Variants in NRBP2 observed in about 807,000 individuals in gnomAD.
NRBP2 encodes the protein nuclear receptor-binding protein 2.
A neutral mutation model predicts 74.4 loss-of-function variants in NRBP2; 47 were observed. That is an observed-to-expected ratio of 0.63 (90% confidence interval 0.50 to 0.81). The LOEUF (loss-of-function observed/expected upper bound fraction) is 0.81. NRBP2 is among the 30% of genes least tolerant of loss of function. The probability of loss-of-function intolerance (pLI) is 0.00; values close to 1 mark genes in which losing one functional copy is unlikely to be tolerated. For synonymous variants in NRBP2, 312 were observed against 273.8 expected, an observed-to-expected ratio of 1.14 and a Z score of -1.38; for missense variants, 613 against 690.1, an observed-to-expected ratio of 0.89 and a Z score of 1.25.
downstream of NRBP2, among the ~76,000 whole-genome samples, chr8:143,830,585 A>C (rs529443311): frequency 5.9e-5 from 9 of 152,362 alleles, no homozygotes; most frequent in East Asian, 1.7e-3. Flanking sequence ...GCTCAAAAGA[A>C]AAGACTGGCA....
Position 143,839,422 on chromosome 8 carries a change from G to A in NRBP2, c.486-14C>T, listed in dbSNP as rs1818589594. On this transcript the variant is annotated splice_polypyrimidine_tract_variant and intron_variant, in intron 5 of 17. Transcript: ENST00000442628. The surrounding 1 kb of genome is among the most constrained non-coding windows in gnomAD (Gnocchi z 5.1). ...GCGTGCAGGAAGCTGCAGACGTTGG[G>A]GAGGGGAGAGTAGGAGGAGCCGGTC... 7 of 1,552,768 alleles carry A rather than the reference G, an allele frequency of 4.5e-6. No homozygotes were observed. The highest frequency in any genetic ancestry group is 1.4e-5 in the African/African-American group (1 of 73,456).
At position 143,837,313 on chromosome 8, in the gene NRBP2, G is replaced by C; in HGVS notation, c.1077-14C>G. On this transcript the variant is annotated splice_polypyrimidine_tract_variant and intron_variant, in intron 12 of 17. Coordinates refer to ENST00000442628, the MANE Select transcript of NRBP2 (RefSeq NM_178564.4). This position sits in a 1 kb window ranked among gnomAD's most constrained non-coding sequence, Gnocchi z 4.3. Reference sequence around the variant, plus strand: ...ACTTCCGAGTACCTGGCATGGAAGTGGGAGGCACATGAGGGGCTGGCCGGG... The same window carrying C: ...ACTTCCGAGTACCTGGCATGGAAGTCGGAGGCACATGAGGGGCTGGCCGGG... 1 of 1,612,128 alleles carries C rather than the reference G, an allele frequency of 6.2e-7. No individual in the cohort carries two copies. Among genetic ancestry groups the C allele is most frequent in the East Asian group, 2.2e-5 (1 of 44,818 alleles).
Position 143,839,378 on chromosome 8 carries a change from G to A in NRBP2, c.516C>T (p.Ile172=). 1.9e-6 allele frequency: 3 copies of A among 1,589,270 alleles called. No homozygotes were observed. Among genetic ancestry groups the A allele is most frequent in the Non-Finnish European group, 2.6e-6 (3 of 1,175,062 alleles). Reference sequence around the variant, plus strand: ...TGGTGTCGCTGGTCAGGTTCCCGTGGATGATTGGGGGGCTGCAGGCGTGCA... The same window carrying A: ...TGGTGTCGCTGGTCAGGTTCCCGTGAATGATTGGGGGGCTGCAGGCGTGCA... ...SFLHACSPPI[I]HGNLTSDTIF... The change falls in exon 6 of 18, where the codon ATC becomes ATT. Residue 172 remains isoleucine, a synonymous_variant. Transcript: ENST00000442628. This position sits in a 1 kb window ranked among gnomAD's most constrained non-coding sequence, Gnocchi z 5.1.
In NRBP2 at chr8:143,839,385, G is replaced by T; in HGVS notation, c.509C>A (p.Pro170Gln). 1 of 1,586,730 alleles carries T rather than the reference G, an allele frequency of 6.3e-7. No homozygotes were observed. The highest frequency in any genetic ancestry group is 8.5e-7 in the Non-Finnish European group (1 of 1,173,830). Residue 170 changes from proline to glutamine, a missense_variant, in exon 6 of 18, where the codon CCA becomes CAA. Physicochemically the swap from Pro to Gln is moderately conservative, Grantham distance 76. This residue lies in a region of NRBP2 where 332 missense variants were observed against 429.2 expected (regional missense o/e 0.77). Transcript: ENST00000442628. The surrounding 1 kb of genome is among the most constrained non-coding windows in gnomAD (Gnocchi z 5.1). ...ALSFLHACSP[P>Q]IIHGNLTSDT... ...GCTGGTCAGGTTCCCGTGGATGATT[G>T]GGGGGCTGCAGGCGTGCAGGAAGCT...
rs1441666049 is a variant in NRBP2 at position 143,840,084 on chromosome 8, T to A, written c.252+23A>T. The A allele has an allele frequency of 6.5e-7, 1 of 1,536,010 alleles. No individual in the cohort carries two copies. Among genetic ancestry groups the A allele is most frequent in the African/African-American group, 1.4e-5 (1 of 73,030 alleles). ...TCAGCAGGTGGTCACCCAAGCAGGA[T>A]GAGGAGGGGGCAGCGGTCTCACCTC... On this transcript the variant is annotated intron_variant, in intron 2 of 17. Transcript: ENST00000442628. This position sits in a 1 kb window ranked among gnomAD's most constrained non-coding sequence, Gnocchi z 5.7.
rs1397120278 is a variant in NRBP2, at chr8:143,839,616, C to T, written c.445-67G>A. On this transcript the variant is annotated intron_variant, in intron 4 of 17. Coordinates refer to ENST00000442628, the MANE Select transcript of NRBP2 (RefSeq NM_178564.4). The surrounding 1 kb of genome is among the most constrained non-coding windows in gnomAD (Gnocchi z 5.1). ...GAGAGGCGGCTGGGCCTGCGGAGCCCGCCCCGCATCCTCGCCCAGCCCCTG... is the reference window on the plus strand; with the variant it reads ...GAGAGGCGGCTGGGCCTGCGGAGCCTGCCCCGCATCCTCGCCCAGCCCCTG... 1 of 1,505,592 alleles carries T rather than the reference C, an allele frequency of 6.6e-7. No homozygotes were observed. The highest frequency in any genetic ancestry group is 1.3e-5 in the South Asian group (1 of 79,706). 93.3% of individuals were successfully genotyped at this position (1,505,592 alleles called of 1,614,324 possible).
Position 143,840,095 on chromosome 8 carries a change from C to T in NRBP2, c.252+12G>A, listed in dbSNP as rs1226011349. 1.3e-6 allele frequency: 2 copies of T among 1,536,004 alleles called. No homozygotes were observed. The highest frequency in any genetic ancestry group is 2.7e-5 in the African/African-American group (2 of 73,026). On this transcript the variant is annotated intron_variant, in intron 2 of 17. Coordinates refer to ENST00000442628, the MANE Select transcript of NRBP2 (RefSeq NM_178564.4). This position sits in a 1 kb window ranked among gnomAD's most constrained non-coding sequence, Gnocchi z 5.7. ...TCACCCAAGCAGGATGAGGAGGGGGCAGCGGTCTCACCTCGTGCGCCGCGA... is the reference window on the plus strand; with the variant it reads ...TCACCCAAGCAGGATGAGGAGGGGGTAGCGGTCTCACCTCGTGCGCCGCGA...
downstream of NRBP2, among the ~76,000 whole-genome samples, chr8:143,832,047 A>G (rs1330949335): frequency 2.6e-5 from 4 of 152,256 alleles, no homozygotes; most frequent in African/African-American, 7.2e-5. Context: ...AGTAGTAGAC[A>G]TAGGAGACTC....
At position 143,840,628 on chromosome 8, in the gene NRBP2, C is replaced by T. The variant is rs1049933635; in HGVS notation, c.129+78G>A. 35 of 1,303,380 alleles carry T rather than the reference C, an allele frequency of 2.7e-5. No individual in the cohort carries two copies. The highest frequency in any genetic ancestry group is 3.3e-5 in the Non-Finnish European group (33 of 998,624). 80.7% of individuals were successfully genotyped at this position (1,303,380 alleles called of 1,614,324 possible). A position where few individuals can be genotyped will look rare whatever the true frequency, so the allele number is the denominator to read the frequency against. On this transcript the variant is annotated intron_variant, in intron 1 of 17. Coordinates refer to ENST00000442628, the MANE Select transcript of NRBP2 (RefSeq NM_178564.4). The surrounding 1 kb of genome is among the most constrained non-coding windows in gnomAD (Gnocchi z 5.7). ...CCAGCCGCCGCGCTCTCCCAGCGCC[C>T]CCACGCCCCGCGCAGCCTCCAGGCC...
chr8:143,836,063 G>T, intron 15 of NRBP2, 33 bp from the exon 16 acceptor site: 1 of 1,572,814 alleles, frequency 6.4e-7, no homozygotes, highest in East Asian at 2.3e-5. Context: ...TCGGCTGGGG[G>T]TTCAGGGCTC....
rs1818568719 is a variant in NRBP2 at position 143,839,103 on chromosome 8, G to GCT, written c.605-4_605-3insAG. Reference sequence around the variant, plus strand: ...GCTTCGGAGATCATCTGGAAGTGCTGTGGGAGGGCGCAGAGCTGAGCGGGC... The same window carrying GCT: ...GCTTCGGAGATCATCTGGAAGTGCTGCTTGGGAGGGCGCAGAGCTGAGCGGGC... On this transcript the variant is annotated splice_region_variant and splice_polypyrimidine_tract_variant and intron_variant, in intron 7 of 17. Transcript: ENST00000442628. This position sits in a 1 kb window ranked among gnomAD's most constrained non-coding sequence, Gnocchi z 5.1. 1.3e-6 allele frequency: 2 copies of GCT among 1,521,606 alleles called. No individual in the cohort carries two copies. Among genetic ancestry groups the GCT allele is most frequent in the Admixed American group, 4.0e-5 (2 of 50,344 alleles). The allele number at this position is 1,521,606 out of a possible 1,614,324, so 94.3% of individuals were successfully genotyped here. A position where few individuals can be genotyped will look rare whatever the true frequency, so the allele number is the denominator to read the frequency against.
chr8:143,833,543 T>A (rs1056197332), downstream of NRBP2: 3 of 152,040 alleles, frequency 2.0e-5, no homozygotes, highest in Non-Finnish European at 4.4e-5. Context: ...TTGAAAAACA[T>A]GGATTTCAAA....
At position 143,836,037 on chromosome 8, in the gene NRBP2, A is replaced by G; in HGVS notation, c.1318-7T>C. On this transcript the variant is annotated splice_polypyrimidine_tract_variant and splice_region_variant and intron_variant, in intron 15 of 17. Transcript: ENST00000442628. ...GCACCAGAAGCAGAGTGAGCTGGGG[A>G]GGCGGCGGGGCGTGGTCGGCTGGGG... 1 of 1,566,178 alleles carries G rather than the reference A, an allele frequency of 6.4e-7. No individual in the cohort carries two copies. Among genetic ancestry groups the G allele is most frequent in the Non-Finnish European group, 8.6e-7 (1 of 1,157,692 alleles).
chr8:143,837,456 C>G lies in NRBP2; in HGVS notation c.1027G>C (p.Ala343Pro), dbSNP rs149352521. Residue 343 changes from alanine to proline, a missense_variant, in exon 12 of 18, where the codon GCG becomes CCG. Ala to Pro is a conservative substitution (Grantham distance 27). This residue lies in a region of NRBP2 where 281 missense variants were observed against 260.9 expected (regional missense o/e 1.08). Coordinates refer to ENST00000442628, the MANE Select transcript of NRBP2 (RefSeq NM_178564.4). This position sits in a 1 kb window ranked among gnomAD's most constrained non-coding sequence, Gnocchi z 4.3. Reference sequence around the variant, plus strand: ...GGCCGGGGAAGCTCCGCCAAGACCGCGTGCAGGTCCATGGCCTTGGTCTTC... The same window carrying G: ...GGCCGGGGAAGCTCCGCCAAGACCGGGTGCAGGTCCATGGCCTTGGTCTTC... The part of the protein sequence containing the change: ...EEKTKAMDLH[A>P]VLAELPRPRR... 6.2e-7 allele frequency: 1 copy of G among 1,610,376 alleles called. No individual in the cohort carries two copies. Among genetic ancestry groups the G allele is most frequent in the Admixed American group, 1.7e-5 (1 of 59,812 alleles).
intron 14 of NRBP2, among the ~76,000 whole-genome samples, chr8:143,836,421 A>G (rs73375112): frequency 0.028 from 4,275 of 151,948 alleles, 197 homozygotes; most frequent in African/African-American, 0.097. Flanking sequence ...CAAAGAGGGA[A>G]CTGTGGGCGT....
At position 143,840,296 on chromosome 8, in the gene NRBP2, C is replaced by T. The variant is rs1586664810; in HGVS notation, c.130-67G>A. On this transcript the variant is annotated intron_variant, in intron 1 of 17. Transcript: ENST00000442628. The surrounding 1 kb of genome is among the most constrained non-coding windows in gnomAD (Gnocchi z 5.7). ...AGGGTTGTGGGTGAGGATTTGGTCC[C>T]TGTCCACACCTTTCCAGTGGGCCCA... 1.3e-6 allele frequency: 2 copies of T among 1,518,910 alleles called. No individual in the cohort carries two copies. The highest frequency in any genetic ancestry group is 2.4e-5 in the South Asian group (2 of 81,888). 94.1% of individuals were successfully genotyped at this position (1,518,910 alleles called of 1,614,324 possible). A position where few individuals can be genotyped will look rare whatever the true frequency, so the allele number is the denominator to read the frequency against.
At chr8:143,830,444 G>T (rs1818108107), downstream of NRBP2, among the ~76,000 whole-genome samples, 1 of 152,366 alleles carries the variant, frequency 6.6e-6, no homozygotes, top group South Asian at 2.1e-4. Context: ...CTCAAGCAAG[G>T]CCCTGTCTGA....
rs781970813 is a variant in NRBP2, at chr8:143,836,018, G to C, written c.1330C>G (p.Leu444Val). The C allele has an allele frequency of 1.3e-5, 21 of 1,574,686 alleles. No homozygotes were observed. Among genetic ancestry groups the C allele is most frequent in the Non-Finnish European group, 1.6e-5 (19 of 1,160,506 alleles). ...DKARWHLTLL[L>V]VLEDRLHRQL... ...CGGTGCAGCCGGTCTTCCAGCACCA[G>C]AAGCAGAGTGAGCTGGGGAGGCGGC... The change falls in exon 16 of 18, where the codon CTG becomes GTG. Residue 444 changes from leucine (L) to valine (V), a missense_variant. Around this residue, in one of 2 missense-constraint regions of NRBP2, gnomAD observed 281 missense variants for 260.9 expected, o/e 1.08. Coordinates refer to ENST00000442628, the MANE Select transcript of NRBP2 (RefSeq NM_178564.4).
rs1300019863 is a variant in NRBP2 at position 143,834,299 on chromosome 8, G to C, written c.*1363C>G. On this transcript the variant is annotated 3_prime_UTR_variant, in exon 18 of 18. Transcript: ENST00000442628. ...CTCTGAAGATGGAGGAGGGGGCCAA[G>C]AGCCAAGGAATGTAGGCAGCCTCTA... The C allele has an allele frequency of 6.6e-6, 1 of 152,252 alleles. No homozygotes were observed. The highest frequency in any genetic ancestry group is 1.5e-5 in the Non-Finnish European group (1 of 68,044). The allele number at this position is 152,252 out of a possible 1,614,324, so 9.4% of individuals were successfully genotyped here. A position where few individuals can be genotyped will look rare whatever the true frequency, so the allele number is the denominator to read the frequency against.
Sources: gnomAD v4.1 joint callset for allele counts (sites outside exome capture counted in the v4.1 genomes callset) on GRCh38, gnomAD v4.1.1 for gene constraint, gnomAD v4.1.1 regional missense constraint, Gnocchi (gnomAD v3.1) non-coding constraint, MANE v1.5 for transcripts, NCBI Gene and HGNC (gene_info 2026-07-23, HGNC 2026-07-21) for gene names.